Variants in PRKCH observed in about 807,000 individuals in gnomAD.
The protein encoded by PRKCH is protein kinase C eta.
PRKCH carries 28 observed loss-of-function variants against 82.5 expected under a neutral mutation model. The observed-to-expected ratio is 0.34, with a 90% CI of 0.25 to 0.47. The LOEUF is 0.47. Among genes scored for constraint, PRKCH ranks in the 20% least tolerant of loss-of-function variants. The probability of loss-of-function intolerance (pLI) is 1.00; values close to 1 mark genes in which losing one functional copy is unlikely to be tolerated. For missense variants in PRKCH, 705 were observed against 881.8 expected (o/e 0.80, Z 2.54); for synonymous variants, 322 against 327.4 (o/e 0.98, Z 0.18).
chr14:61,492,746 TGTG>T (rs1886504066), intron 10 of PRKCH, among the ~76,000 whole-genome samples: 1 of 152,210 alleles, frequency 6.6e-6, no homozygotes, highest in Non-Finnish European at 1.5e-5. Context: ...AGGCGCTTTC[TGTG>T]GGGTGAGAGA....
chr14:61,290,363 A>G (rs560225970), intron 1 of PRKCH, among the ~76,000 whole-genome samples: 1 of 152,298 alleles, frequency 6.6e-6, no homozygotes, highest in African/African-American at 2.4e-5. Context: ...AACTGGGGAA[A>G]AATAACATCT....
At chr14:61,486,752 A>G (rs961321350) in intron 10 of PRKCH, among the ~76,000 whole-genome samples, 1 of 151,558 alleles carries the variant, frequency 6.6e-6, no homozygotes, top group Non-Finnish European at 1.5e-5. Flanking sequence ...GGCCTCAAGC[A>G]ATCCTCCCAC....
intron 1 of PRKCH, among the ~76,000 whole-genome samples, chr14:61,268,137 A>G (rs1463345027): frequency 1.3e-5 from 2 of 152,200 alleles, no homozygotes; most frequent in African/African-American, 4.8e-5. Flanking sequence ...ATATGACAGT[A>G]CTGCACAATG....
intron 2 of PRKCH, among the ~76,000 whole-genome samples, chr14:61,417,491 T>TA (rs778080603): frequency 2.6e-5 from 4 of 152,244 alleles, no homozygotes; most frequent in Non-Finnish European, 5.9e-5. Flanking sequence ...GAGCCTCACC[T>TA]AAGTGTTGTA....
chr14:61,539,797 G>A (rs1358687436), intron 12 of PRKCH, among the ~76,000 whole-genome samples: 1 of 152,142 alleles, frequency 6.6e-6, no homozygotes, highest in Non-Finnish European at 1.5e-5. Flanking sequence ...GAGGCCACTG[G>A]TGTGGCCACC....
At chr14:61,485,426 T>A in intron 9 of PRKCH, 76 bp from the exon 10 acceptor site, 1 of 1,533,968 alleles carries the variant, frequency 6.5e-7, no homozygotes, top group African/African-American at 1.4e-5. Context: ...TGCCACAGCC[T>A]TAGGCAATAT....
chr14:61,431,489 A>G (rs1199490983), intron 2 of PRKCH, among the ~76,000 whole-genome samples: 1 of 152,084 alleles, frequency 6.6e-6, no homozygotes, highest in Non-Finnish European at 1.5e-5. Flanking sequence ...GTCTCATTCT[A>G]CCTTATCCTC....
chr14:61,315,464 T>C (rs2045555019), intron 1 of PRKCH, among the ~76,000 whole-genome samples: 1 of 152,208 alleles, frequency 6.6e-6, no homozygotes. Flanking sequence ...ATCAAATGAA[T>C]AATGTTTGTC....
rs149671171 is a variant in PRKCH at position 61,457,679 on chromosome 14, C to G, written c.1278C>G (p.Pro426=). ...LTQLFCCFQT[P]DRLFFVMEFV... is the part of the protein sequence containing the mutation. ...AGTTGTTCTGCTGCTTTCAGACCCC[C>G]GTAAGTATGAATCACATTCACTGCA... Residue 426 remains proline (P), a splice_region_variant and synonymous_variant, in exon 9 of 14, where the codon CCC becomes CCG. Transcript: ENST00000332981. 1.2e-5 allele frequency: 19 copies of G among 1,613,724 alleles called. No individual in the cohort carries two copies. In the African/African-American group the frequency reaches 2.0e-4, roughly 17 times the overall value.
chr14:61,217,848 C>T (rs978309843), intron 1 of PRKCH, among the ~76,000 whole-genome samples: 8 of 152,196 alleles, frequency 5.3e-5, no homozygotes, highest in South Asian at 2.1e-4. Context: ...CCCTCTTCTA[C>T]TTTTTAAAAG....
At chr14:61,527,487 C>T (rs1306274861) in intron 10 of PRKCH, among the ~76,000 whole-genome samples, 1 of 152,144 alleles carries the variant, frequency 6.6e-6, no homozygotes, top group African/African-American at 2.4e-5. Flanking sequence ...CTTCCTTTCC[C>T]CTGACTAACT....
intron 1 of PRKCH, among the ~76,000 whole-genome samples, chr14:61,375,337 C>G (rs2046415547): frequency 6.6e-6 from 1 of 152,058 alleles, no homozygotes; most frequent in African/African-American, 2.4e-5. Context: ...ATCTCCCTGT[C>G]TTCTGAGCCC....
chr14:61,243,384 A>C (rs1394669897), intron 1 of PRKCH, among the ~76,000 whole-genome samples: 2 of 3,236 alleles, frequency 6.2e-4, no homozygotes, highest in Non-Finnish European at 2.2e-3. Flanking sequence ...ACTCTGTCTC[A>C]AAAAAAAAAA....
At chr14:61,382,509 A>C (rs2046527540) in intron 1 of PRKCH, among the ~76,000 whole-genome samples, 1 of 152,232 alleles carries the variant, frequency 6.6e-6, no homozygotes, top group Non-Finnish European at 1.5e-5. Flanking sequence ...TTATTCATAC[A>C]AACCTGTTGG....
At chr14:61,304,820 T>A (rs1337673512) in intron 1 of PRKCH, 4 of 151,088 alleles carry the variant, frequency 2.6e-5, no homozygotes, top group South Asian at 4.2e-4. Flanking sequence ...CCAAACAAGG[T>A]CTTAAAAAAA....
chr14:61,438,120 C>G (rs1423179258), intron 2 of PRKCH, among the ~76,000 whole-genome samples: 1 of 152,090 alleles, frequency 6.6e-6, no homozygotes, highest in Non-Finnish European at 1.5e-5. Context: ...GAAACTGAAG[C>G]ATTGGATGTT....
intron 1 of PRKCH, among the ~76,000 whole-genome samples, chr14:61,253,977 T>TC (rs1165221284): frequency 1.3e-5 from 1 of 74,094 alleles, no homozygotes; most frequent in East Asian, 3.9e-4. Context: ...CCTCCCTCCC[T>TC]CCTCCCTCCC....
intron 1 of PRKCH, among the ~76,000 whole-genome samples, chr14:61,377,251 T>A (rs2046439034): frequency 6.6e-6 from 1 of 152,242 alleles, no homozygotes; most frequent in Admixed American, 6.5e-5. Flanking sequence ...TTTCTTTCAC[T>A]CCTTTAGTGA....
chr14:61,188,574 A>AGTGTGTGT (rs376746171), intron 1 of PRKCH, among the ~76,000 whole-genome samples: 20 of 55,958 alleles, frequency 3.6e-4, no homozygotes, highest in African/African-American at 1.0e-3. Flanking sequence ...ACGTTGCTGT[A>AGTGTGTGT]GTGTGTGTGT....
Sources: gnomAD v4.1 joint callset for allele counts (sites outside exome capture counted in the v4.1 genomes callset) on GRCh38, gnomAD v4.1.1 for gene constraint, MANE v1.5 for transcripts, NCBI Gene and HGNC (gene_info 2026-07-23, HGNC 2026-07-21) for gene names.